Variants in TONSL observed in about 807,000 individuals in gnomAD.
TONSL encodes the protein tonsoku like, DNA repair protein, also known as tonsoku-like protein.
Under a neutral mutation model 147.1 loss-of-function variants are expected in TONSL, and 112 were observed. The ratio of observed to expected loss-of-function variants is 0.76; its 90% confidence interval spans 0.65 to 0.89. The LOEUF is 0.89. Ranked by LOEUF, TONSL falls within the 40% of genes least tolerant of loss-of-function variation. TONSL has a pLI of 0.00. For synonymous variants in TONSL, 868 were observed against 801.5 expected (o/e 1.08, Z -1.40); for missense variants, 1,883 against 1,864.6 (o/e 1.01, Z -0.18).
chr8:144,438,758 C>G, intron 11 of TONSL, 23 bp from the exon 12 acceptor site: 1 of 1,610,786 alleles, frequency 6.2e-7, no homozygotes, highest in Non-Finnish European at 8.5e-7. Context: ...CAAGCCCACC[C>G]CAGGGGAGTC....
chr8:144,434,641 G>GT (rs1285327936), intron 20 of TONSL, among the ~76,000 whole-genome samples, 170 bp downstream of exon 20: 1 of 152,190 alleles, frequency 6.6e-6, no homozygotes, highest in Admixed American at 6.5e-5. Context: ...GCTGAGGGCT[G>GT]TCCTCTCCCT....
At chr8:144,440,549 G>A (rs929701929) in intron 9 of TONSL, 73 bp from the exon 10 acceptor site, 10 of 1,533,404 alleles carry the variant, frequency 6.5e-6, no homozygotes, top group African/African-American at 1.4e-5. Flanking sequence ...AAGCTTCCCC[G>A]GCTGCCCAGA....
In TONSL at chr8:144,443,121, C is replaced by G; in HGVS notation, c.448+17G>C. 6.5e-7 allele frequency: 1 copy of G among 1,545,136 alleles called. No homozygotes were observed. Among genetic ancestry groups the G allele is most frequent in the South Asian group, 1.2e-5 (1 of 83,892 alleles). ...CCCGAAGTTCAGGAGGCAGAAAACG[C>G]GGAGGGGTCTGCCCACCCTCCAGCT... On this transcript the variant is annotated intron_variant, in intron 4 of 25. Transcript: ENST00000409379.
At chr8:144,439,835 A>C (rs1823632577) in intron 11 of TONSL, 186 bp downstream of exon 11, 4 of 554,600 alleles carry the variant, frequency 7.2e-6, no homozygotes, top group Non-Finnish European at 1.3e-5. Context: ...CAGGAGGCCA[A>C]GGCCGCCCCA....
At position 144,443,239 on chromosome 8, in the gene TONSL, G is replaced by T; in HGVS notation, c.347C>A (p.Thr116Asn). The T allele has an allele frequency of 6.4e-7, 1 of 1,550,798 alleles. No homozygotes were observed. The highest frequency in any genetic ancestry group is 8.7e-7 in the Non-Finnish European group (1 of 1,146,990). The change falls in exon 4 of 26, where the codon ACC becomes AAC. Residue 116 changes from threonine to asparagine, a missense_variant. By Grantham distance (65) the Thr-to-Asn change is moderately conservative. Coordinates refer to ENST00000409379, the MANE Select transcript of TONSL (RefSeq NM_013432.5). Reference protein sequence around the residue: ...LQRAWATIGRTHLDIYDHCQS... With the variant: ...LQRAWATIGRNHLDIYDHCQS... The stretch of plus-strand genomic sequence containing the variant: ...GCAGTGGTCATAGATGTCCAGGTGG[G>T]TGCGGCCGATGGTGGCCCAGGCCCT...
chr8:144,436,294 C>A lies in TONSL; in HGVS notation c.2139G>T (p.Gln713His). ...SNSTRLPEAS[Q>H]AHVRVSPGQA... ...GCCCTGGGGAGACCCTGACATGGGCCTGAGAGGCCTCTGGGAGTCTAGTGC... is the reference window on the plus strand; with the variant it reads ...GCCCTGGGGAGACCCTGACATGGGCATGAGAGGCCTCTGGGAGTCTAGTGC... Residue 713 changes from glutamine to histidine, a missense_variant, in exon 17 of 26, where the codon CAG becomes CAT. Coordinates refer to ENST00000409379, the MANE Select transcript of TONSL (RefSeq NM_013432.5). 2.0e-6 allele frequency: 3 copies of A among 1,505,168 alleles called. No homozygotes were observed. Among genetic ancestry groups the A allele is most frequent in the Admixed American group, 2.2e-5 (1 of 46,184 alleles). 93.2% of individuals were successfully genotyped at this position (1,505,168 alleles called of 1,614,324 possible).
chr8:144,443,359 C>T (rs374189514), intron 3 of TONSL, 38 bp from the exon 4 acceptor site: 8 of 1,526,184 alleles, frequency 5.2e-6, no homozygotes, highest in South Asian at 1.2e-5. Context: ...GAGCCGACTC[C>T]GCCTCAAGCA....
In TONSL at chr8:144,433,730, G is replaced by A. The variant is rs782541706; in HGVS notation, c.3417C>T (p.Asn1139=). 2.5e-6 allele frequency: 4 copies of A among 1,599,130 alleles called. No individual in the cohort carries two copies. Among genetic ancestry groups the A allele is most frequent in the Non-Finnish European group, 3.4e-6 (4 of 1,173,440 alleles). ...ACTGGCCACAGCCGTCCCCCAGGGG[G>A]TTCATGCTTAAGTCCAGCTCCTCCA... The part of the protein sequence containing the change: ...QSLEELDLSM[N]PLGDGCGQSL... Residue 1139 remains asparagine, a synonymous_variant, in exon 22 of 26, where the codon AAC becomes AAT. Coordinates refer to ENST00000409379, the MANE Select transcript of TONSL (RefSeq NM_013432.5).
chr8:144,429,666 G>T (rs572519977), intron 25 of TONSL, among the ~76,000 whole-genome samples: 62 of 152,330 alleles, frequency 4.1e-4, no homozygotes, highest in African/African-American at 1.4e-3. Flanking sequence ...GGCCTGAGTG[G>T]ATCAAGAGAA....
intron 25 of TONSL, among the ~76,000 whole-genome samples, chr8:144,429,586 A>G (rs1007860868): frequency 1.5e-4 from 23 of 152,126 alleles, no homozygotes; most frequent in Non-Finnish European, 4.4e-5. Flanking sequence ...CTCAAAGTCC[A>G]TGCCTACACG....
rs140174138 is a variant in TONSL at position 144,432,175 on chromosome 8, C to T, written c.3735+110G>A. 111 of 1,198,196 alleles carry T rather than the reference C, an allele frequency of 9.3e-5. No homozygotes were observed. The African/African-American group carries it at 1.5e-3, about 16-fold the overall frequency. The allele number at this position is 1,198,196 out of a possible 1,614,324, so 74.2% of individuals were successfully genotyped here. A position where few individuals can be genotyped will look rare whatever the true frequency, so the allele number is the denominator to read the frequency against. On this transcript the variant is annotated intron_variant, in intron 23 of 25. Transcript: ENST00000409379. ...CAAACCTCTAACTCTCTCTGTAGAGCCCCTCAGCGAGTTCAGCCCGAATCT... is the reference window on the plus strand; with the variant it reads ...CAAACCTCTAACTCTCTCTGTAGAGTCCCTCAGCGAGTTCAGCCCGAATCT...
At position 144,440,097 on chromosome 8, in the gene TONSL, C is replaced by A; in HGVS notation, c.1404G>T (p.Glu468Asp). 6.2e-7 allele frequency: 1 copy of A among 1,610,558 alleles called. No homozygotes were observed. The highest frequency in any genetic ancestry group is 8.5e-7 in the Non-Finnish European group (1 of 1,178,312). ...ELSVAEDEDEEEEAEEAAATA... is the reference protein window; with the variant it reads ...ELSVAEDEDEDEEAEEAAATA... ...TGGCTGCCGCCTCCTCCGCCTCCTC[C>A]TCCTCATCTTCATCTTCAGCTACAC... Residue 468 changes from glutamate to aspartate, a missense_variant, in exon 11 of 26, where the codon GAG becomes GAT. Glu to Asp is a conservative substitution (Grantham distance 45). Coordinates refer to ENST00000409379, the MANE Select transcript of TONSL (RefSeq NM_013432.5).
At position 144,429,301 on chromosome 8, in the gene TONSL, ACAGGCC is replaced by A; in HGVS notation, c.3973_3978del (p.Gly1325_Leu1326del). ...CGGAGCTGCGCGGCTATCTTGTCCC[ACAGGCC>A]CAGGCCCAGGGGACCCTGGACGGCG... On this transcript the variant is annotated inframe_deletion, in exon 26 of 26. Transcript: ENST00000409379. 16 of 1,502,202 alleles carry A rather than the reference ACAGGCC, an allele frequency of 1.1e-5. No homozygotes were observed. The highest frequency in any genetic ancestry group is 1.3e-5 in the Non-Finnish European group (15 of 1,121,582). The allele number at this position is 1,502,202 out of a possible 1,614,324, so 93.1% of individuals were successfully genotyped here.
rs1396530963 is a variant in TONSL at position 144,436,082 on chromosome 8, G to C, written c.2351C>G (p.Thr784Arg). 4 of 1,569,930 alleles carry C rather than the reference G, an allele frequency of 2.5e-6. No homozygotes were observed. In the African/African-American group the frequency reaches 4.0e-5, roughly 16 times the overall value. ...GTAGGCTGCCCGGCTGGTGCTGGCT[G>C]TGGCTGCTTCCCTGTTGCTGGCGGG... The part of the protein sequence containing the change: ...PGPASNREAA[T>R]ASTSRAAYQA... The change falls in exon 17 of 26, where the codon ACA becomes AGA. Residue 784 changes from threonine (T) to arginine (R), a missense_variant. By Grantham distance (71) the Thr-to-Arg change is moderately conservative. Coordinates refer to ENST00000409379, the MANE Select transcript of TONSL (RefSeq NM_013432.5).
rs201893250 is a variant in TONSL, at chr8:144,440,732, C to A, written c.1150G>T (p.Gly384Cys). 6.2e-7 allele frequency: 1 copy of A among 1,612,504 alleles called. No homozygotes were observed. The highest frequency in any genetic ancestry group is 8.5e-7 in the Non-Finnish European group (1 of 1,179,744). ...AAGGGTTTCACCTCCAGCACGTTGC[C>A]GCTGCGCAGCCTCAGTTCCTCCTCA... ...HYEEELRLRS[G>C]NVLEEAKTWL... Residue 384 changes from glycine (G) to cysteine (C), a missense_variant, in exon 9 of 26, where the codon GGC becomes TGC. By Grantham distance (159) the Gly-to-Cys change is radical (BLOSUM62 -3). Transcript: ENST00000409379.
At chr8:144,429,784 C>T (rs925409508) in intron 25 of TONSL, among the ~76,000 whole-genome samples, 1 of 152,146 alleles carries the variant, frequency 6.6e-6, no homozygotes, top group East Asian at 1.9e-4. Context: ...CTGGAAAAGG[C>T]GGCCTGGCCC....
chr8:144,440,086 T>C lies in TONSL; in HGVS notation c.1415A>G (p.Glu472Gly). The part of the protein sequence containing the change: ...AEDEDEEEEA[E>G]EAAATAESEA... ...GCTCTCCGCTGTGGCTGCCGCCTCC[T>C]CCGCCTCCTCCTCCTCATCTTCATC... The change falls in exon 11 of 26, where the codon GAG (glutamate) becomes GGG (glycine). Residue 472 changes from glutamate to glycine, a missense_variant. Coordinates refer to ENST00000409379, the MANE Select transcript of TONSL (RefSeq NM_013432.5). 1 of 1,605,834 alleles carries C rather than the reference T, an allele frequency of 6.2e-7. No homozygotes were observed. Among genetic ancestry groups the C allele is most frequent in the South Asian group, 1.1e-5 (1 of 90,854 alleles).
In TONSL at chr8:144,440,363, AC is replaced by A; in HGVS notation, c.1277del (p.Arg426LeufsTer17). The A allele has an allele frequency of 6.3e-7, 1 of 1,594,092 alleles. No individual in the cohort carries two copies. Among genetic ancestry groups the A allele is most frequent in the Non-Finnish European group, 8.6e-7 (1 of 1,168,134 alleles). On this transcript the variant is annotated frameshift_variant, in exon 10 of 26. Transcript: ENST00000409379. LOFTEE classifies it high-confidence loss of function. ...KALSCAQQAQ[R>X]PQLQRQVLQH... ...TGGGCTCTCGCACCTGCAGCTGGGG[AC>A]GCTGGGCCTGCTGGGCACAGCTGAG...
At position 144,435,553 on chromosome 8, in the gene TONSL, G is replaced by A. The variant is rs1823410389; in HGVS notation, c.2776-3C>T. ...ATGGGAGGGGGCGGGGCCGGACCCT[G>A]GCAGGTGAAGGCAGCAGGGCTGAGT... is the stretch of plus-strand genomic sequence containing the variant. On this transcript the variant is annotated splice_region_variant and splice_polypyrimidine_tract_variant and intron_variant, in intron 17 of 25. Transcript: ENST00000409379. 6.4e-7 allele frequency: 1 copy of A among 1,554,334 alleles called. No individual in the cohort carries two copies. The highest frequency in any genetic ancestry group is 8.7e-7 in the Non-Finnish European group (1 of 1,149,010).
Sources: allele counts gnomAD v4.1 joint callset (sites outside exome capture counted in the v4.1 genomes callset), GRCh38; gene constraint gnomAD v4.1.1; transcripts MANE v1.5; gene names NCBI Gene and HGNC (gene_info 2026-07-23, HGNC 2026-07-21).